The following MYMK variants were observed in gnomAD, a reference collection of about 807,000 sequenced individuals.
MYMK encodes myomaker, myoblast fusion factor.
In MYMK, 16 loss-of-function variants were observed where a neutral mutation model predicts 22.4. That is an observed-to-expected ratio of 0.72 (90% confidence interval 0.48 to 1.09). The LOEUF (loss-of-function observed/expected upper bound fraction) is 1.09. Ranked by LOEUF, MYMK falls within the 50% of genes least tolerant of loss-of-function variation. The pLI is 0.00. For missense variants in MYMK, 250 were observed against 295.6 expected (o/e 0.85, Z 1.13); for synonymous variants, 125 against 127.0 (o/e 0.98, Z 0.11).
rs1844625958 is a variant in MYMK, at chr9:133,515,979, T to C, written c.400-372A>G. Among the ~76,000 whole-genome samples the C allele has an allele frequency of 6.6e-6, 1 of 152,230 alleles. No individual in the cohort carries two copies. The highest frequency in any genetic ancestry group is 1.5e-5 in the Non-Finnish European group (1 of 68,034). On this transcript the variant is annotated intron_variant, in intron 3 of 4. Transcript: ENST00000339996. This position sits in a 1 kb window ranked among gnomAD's most constrained non-coding sequence, Gnocchi z 5.8. Reference sequence around the variant, plus strand: ...CATGATTGCTTACCAAGGAAAGTACTGGAGTACTTGGGACCTGCCAGCCCA... The same window carrying C: ...CATGATTGCTTACCAAGGAAAGTACCGGAGTACTTGGGACCTGCCAGCCCA...
rs1386322306 is a variant in MYMK, at chr9:133,515,524, C to CTGGG, written c.482_483insCCCA (p.Ala162ProfsTer12). On this transcript the variant is annotated frameshift_variant, in exon 4 of 5. Transcript: ENST00000339996. LOFTEE classifies it high-confidence loss of function. This position sits in a 1 kb window ranked among gnomAD's most constrained non-coding sequence, Gnocchi z 5.8. ...AGAAGCGTAGCATCAGGGCCAGCGC[C>CTGGG]CCGAAGCAGAGGCCGGGGCCTATCT... The CTGGG allele has an allele frequency of 2.5e-6, 4 of 1,613,914 alleles. No individual in the cohort carries two copies. Among genetic ancestry groups the CTGGG allele is most frequent in the Admixed American group, 3.3e-5 (2 of 60,012 alleles).
chr9:133,520,745 C>A (rs1442798494), intron 1 of MYMK, among the ~76,000 whole-genome samples: 1 of 152,020 alleles, frequency 6.6e-6, no homozygotes, highest in Admixed American at 6.5e-5. Context: ...CAGAGCCTCT[C>A]TGGGGGCTCC....
At position 133,519,040 on chromosome 9, in the gene MYMK, A is replaced by G. The variant is rs11523307; in HGVS notation, c.251-18T>C. The G allele has an allele frequency of 0.11, 185,212 of 1,612,704 alleles. 11,290 individuals carry two copies. The highest frequency in any genetic ancestry group is 0.16 in the Middle Eastern group (973 of 6,054). ...GGCCAGTGCTGGAGGGGCCAGGGAG[A>G]CACAGGGGGAGGTGAGTGGTCTCTC... is the stretch of plus-strand genomic sequence containing the variant. On this transcript the variant is annotated intron_variant, in intron 2 of 4. Transcript: ENST00000339996.
At chr9:133,520,969 G>A (rs1844696538) in intron 1 of MYMK, among the ~76,000 whole-genome samples, 1 of 152,160 alleles carries the variant, frequency 6.6e-6, no homozygotes, top group Non-Finnish European at 1.5e-5. Flanking sequence ...CTGTGGCACT[G>A]CTGAGGCTGG....
chr9:133,520,322 A>C, intron 1 of MYMK, 34 bp from the exon 2 acceptor site: 4 of 1,585,894 alleles, frequency 2.5e-6, no homozygotes, highest in Non-Finnish European at 3.5e-6. Context: ...CACAGCACAA[A>C]GAGGCCAGAG....
chr9:133,516,891 G>C (rs549771405), intron 3 of MYMK, among the ~76,000 whole-genome samples: 1 of 152,334 alleles, frequency 6.6e-6, no homozygotes, highest in East Asian at 1.9e-4. Context: ...GAGGGGACGA[G>C]GCTCAGGGAG....
At chr9:133,524,628 C>T (rs993320522) in intron 1 of MYMK, 82 bp downstream of exon 1, 1 of 1,602,864 alleles carries the variant, frequency 6.2e-7, no homozygotes, top group Non-Finnish European at 8.5e-7. Flanking sequence ...TCACCCAATA[C>T]AAGAACGCTG....
chr9:133,517,059 G>A (rs1158205069), intron 3 of MYMK, among the ~76,000 whole-genome samples: 6 of 152,176 alleles, frequency 3.9e-5, no homozygotes, highest in African/African-American at 1.4e-4. Flanking sequence ...GAGGGCCTTG[G>A]CAGTCTCGTG....
chr9:133,524,497 CT>C (rs1234872691), intron 1 of MYMK, among the ~76,000 whole-genome samples: 1 of 152,210 alleles, frequency 6.6e-6, no homozygotes, highest in East Asian at 1.9e-4. Context: ...CCCAGAGCAA[CT>C]TCCTGGCACA....
At chr9:133,516,322 C>G (rs1212477753) in intron 3 of MYMK, among the ~76,000 whole-genome samples, 2 of 152,218 alleles carry the variant, frequency 1.3e-5, no homozygotes, top group Non-Finnish European at 2.9e-5. Context: ...CTCCCTGAGC[C>G]TGGTCCCCTC....
intron 1 of MYMK, among the ~76,000 whole-genome samples, chr9:133,522,344 G>GC (rs1554808695): frequency 4.6e-3 from 209 of 45,292 alleles, no homozygotes; most frequent in Non-Finnish European, 8.5e-3. Context: ...AGTGGCTGTC[G>GC]GGGGGGGGCC....
chr9:133,523,682 G>GGAGAGAGAGAGA lies in MYMK; in HGVS notation c.135+1016_135+1027dup, dbSNP rs35845164. Among the ~76,000 whole-genome samples the GGAGAGAGAGAGA allele has an allele frequency of 1.4e-3, 165 of 121,518 alleles. 2 individuals are homozygous for GGAGAGAGAGAGA. The highest frequency in any genetic ancestry group is 4.8e-3 in the African/African-American group (143 of 29,958). 79.7% of individuals were successfully genotyped at this position (121,518 alleles called of 152,430 possible). On this transcript the variant is annotated intron_variant, in intron 1 of 4. Coordinates refer to ENST00000339996, the MANE Select transcript of MYMK (RefSeq NM_001080483.3). ...TGGATGCGTAGATAGAGAGATAGAT[G>GGAGAGAGAGAGA]GAGAGAGAGAGAGAGAGAGAGAGAG... is the stretch of plus-strand genomic sequence containing the variant.
At chr9:133,517,719 C>T (rs1214473710) in intron 3 of MYMK, among the ~76,000 whole-genome samples, 3 of 151,394 alleles carry the variant, frequency 2.0e-5, no homozygotes, top group Non-Finnish European at 2.9e-5. Flanking sequence ...CCTGCCATGA[C>T]GTCCTGTTAA....
Position 133,515,703 on chromosome 9 carries a change from A to C in MYMK, c.400-96T>G. On this transcript the variant is annotated intron_variant, in intron 3 of 4. Coordinates refer to ENST00000339996, the MANE Select transcript of MYMK (RefSeq NM_001080483.3). This position sits in a 1 kb window ranked among gnomAD's most constrained non-coding sequence, Gnocchi z 5.8. ...CCGAGAGCTGGCCCTGCACAGGCTC[A>C]CCCCAGCCCTCTCCCGGCAGGAGAG... The C allele has an allele frequency of 1.3e-6, 1 of 760,114 alleles. No individual in the cohort carries two copies. Among genetic ancestry groups the C allele is most frequent in the Non-Finnish European group, 2.2e-6 (1 of 444,970 alleles). 47.1% of individuals were successfully genotyped at this position (760,114 alleles called of 1,614,324 possible).
chr9:133,524,809 G>A lies in MYMK; in HGVS notation c.36C>T (p.Thr12=), dbSNP rs550112792. Residue 12 remains threonine (T), a synonymous_variant, in exon 1 of 5, where the codon ACC becomes ACT. Transcript: ENST00000339996. ...TGGGGAGGAAGGCCAGGCTGCTGAG[G>A]GTGGGCAGGAGCAGCTTGGCCACCA... The part of the protein sequence containing the change: ...GTLVAKLLLP[T]LSSLAFLPTV... 1 of 1,613,652 alleles carries A rather than the reference G, an allele frequency of 6.2e-7. No individual in the cohort carries two copies. Among genetic ancestry groups the A allele is most frequent in the South Asian group, 1.1e-5 (1 of 91,050 alleles).
chr9:133,522,737 G>C (rs1229801794), intron 1 of MYMK, among the ~76,000 whole-genome samples: 1 of 152,242 alleles, frequency 6.6e-6, no homozygotes, highest in African/African-American at 2.4e-5. Context: ...GGGACCTGCA[G>C]AGAAATCCTG....
At chr9:133,520,713 C>T (rs1056283127) in intron 1 of MYMK, among the ~76,000 whole-genome samples, 15 of 152,180 alleles carry the variant, frequency 9.9e-5, no homozygotes, top group African/African-American at 2.9e-4. Context: ...CGTGTTCACT[C>T]GCCAATCTTT....
chr9:133,515,750 G>T lies in MYMK; in HGVS notation c.400-143C>A. On this transcript the variant is annotated intron_variant, in intron 3 of 4. Transcript: ENST00000339996. This position sits in a 1 kb window ranked among gnomAD's most constrained non-coding sequence, Gnocchi z 5.8. Reference sequence around the variant, plus strand: ...AGAGGAGGCTCAGGAGCCTCCTGCCGCACCCAGCCTCAGATGGCTTCTGCT... The same window carrying T: ...AGAGGAGGCTCAGGAGCCTCCTGCCTCACCCAGCCTCAGATGGCTTCTGCT... 1.6e-6 allele frequency: 1 copy of T among 608,626 alleles called. No individual in the cohort carries two copies. 37.7% of individuals were successfully genotyped at this position (608,626 alleles called of 1,614,324 possible).
At chr9:133,518,155 T>A (rs1274144839) in intron 3 of MYMK, among the ~76,000 whole-genome samples, 1 of 152,214 alleles carries the variant, frequency 6.6e-6, no homozygotes, top group Non-Finnish European at 1.5e-5. Context: ...TCCCAGGAGA[T>A]GCCCCGGGTC....
Sources: gnomAD v4.1 joint callset for allele counts (sites outside exome capture counted in the v4.1 genomes callset) on GRCh38, gnomAD v4.1.1 for gene constraint, Gnocchi (gnomAD v3.1) non-coding constraint, MANE v1.5 for transcripts, NCBI Gene and HGNC (gene_info 2026-07-23, HGNC 2026-07-21) for gene names.